The following LAMB4 variants were observed in gnomAD, a reference collection of about 807,000 sequenced individuals.
LAMB4 encodes the protein laminin subunit beta 4.
Under a neutral mutation model 199.2 loss-of-function variants are expected in LAMB4, and 196 were observed. The observed-to-expected ratio is 0.98, with a 90% confidence interval of 0.88 to 1.11. The LOEUF (loss-of-function observed/expected upper bound fraction) is 1.11. LAMB4 is among the 50% of genes least tolerant of loss of function. LAMB4 has a pLI of 0.00. For missense variants in LAMB4, 2,080 were observed against 2,171.2 expected (o/e 0.96, Z 0.83); for synonymous variants, 744 against 770.6 (o/e 0.97, Z 0.57).
intron 4 of LAMB4, among the ~76,000 whole-genome samples, 199 bp from the exon 5 acceptor site, chr7:108,109,443 T>G (rs944149536): frequency 1.3e-5 from 2 of 152,246 alleles, no homozygotes; most frequent in African/African-American, 4.8e-5. Flanking sequence ...GGTTTCACCC[T>G]GACTGTGCCC....
At chr7:108,075,245 A>G (rs1376909081) in intron 17 of LAMB4, among the ~76,000 whole-genome samples, 1 of 152,194 alleles carries the variant, frequency 6.6e-6, no homozygotes, top group Non-Finnish European at 1.5e-5. Flanking sequence ...GTTTGTTTCT[A>G]CTTTCTACTT....
intron 1 of LAMB4, 137 bp from the exon 2 acceptor site, chr7:108,123,334 T>C: frequency 2.3e-6 from 1 of 437,118 alleles, no homozygotes; most frequent in East Asian, 3.5e-5. Context: ...GTCCAGATCC[T>C]CAAAAAATAA....
Position 108,023,990 on chromosome 7 carries a change from A to G in LAMB4, c.*49T>C. 1.3e-6 allele frequency: 2 copies of G among 1,532,088 alleles called. No individual in the cohort carries two copies. Among genetic ancestry groups the G allele is most frequent in the Non-Finnish European group, 1.8e-6 (2 of 1,136,736 alleles). The allele number at this position is 1,532,088 out of a possible 1,614,324, so 94.9% of individuals were successfully genotyped here. A position where few individuals can be genotyped will look rare whatever the true frequency, so the allele number is the denominator to read the frequency against. On this transcript the variant is annotated 3_prime_UTR_variant, in exon 34 of 34. Coordinates refer to ENST00000388781, the MANE Select transcript of LAMB4 (RefSeq NM_007356.3). Reference sequence around the variant, plus strand: ...GTTCAACAGAGCCCCAGGGGCTTGTACATCAGAAACCAGAAACAAAGGCAC... The same window carrying G: ...GTTCAACAGAGCCCCAGGGGCTTGTGCATCAGAAACCAGAAACAAAGGCAC...
chr7:108,128,329 T>C (rs2038866290), intron 1 of LAMB4, among the ~76,000 whole-genome samples: 1 of 152,112 alleles, frequency 6.6e-6, no homozygotes, highest in Admixed American at 6.5e-5. Flanking sequence ...CTGAAGTCAA[T>C]AGGGTTCTGG....
At chr7:108,117,005 C>G (rs1196015886) in intron 2 of LAMB4, among the ~76,000 whole-genome samples, 3 of 152,148 alleles carry the variant, frequency 2.0e-5, no homozygotes, top group Non-Finnish European at 2.9e-5. Context: ...CCATTGCAAT[C>G]CAGCCTGAGT....
At chr7:108,113,038 C>T (rs1286793318) in intron 3 of LAMB4, among the ~76,000 whole-genome samples, 1 of 152,186 alleles carries the variant, frequency 6.6e-6, no homozygotes, top group Non-Finnish European at 1.5e-5. Flanking sequence ...AGTTGTTCTT[C>T]CTCCCAGCTA....
chr7:108,098,299 C>CT (rs2037692786), intron 11 of LAMB4, 104 bp downstream of exon 11: 1 of 675,600 alleles, frequency 1.5e-6, no homozygotes, highest in Non-Finnish European at 2.0e-6. Context: ...TGCCACTGTA[C>CT]TCCAGCCTGG....
At chr7:108,091,233 A>G (rs1379995321) in intron 14 of LAMB4, among the ~76,000 whole-genome samples, 4 of 152,248 alleles carry the variant, frequency 2.6e-5, no homozygotes, top group Non-Finnish European at 2.9e-5. Flanking sequence ...GCGCTAGTGC[A>G]ACAATGATGA....
chr7:108,117,294 C>G (rs1286854508), intron 2 of LAMB4, among the ~76,000 whole-genome samples: 1 of 152,152 alleles, frequency 6.6e-6, no homozygotes, highest in Admixed American at 6.5e-5. Flanking sequence ...AATGAGCAAG[C>G]ATTCTAATCA....
chr7:108,044,543 T>G (rs988727823), intron 28 of LAMB4, among the ~76,000 whole-genome samples: 11 of 151,984 alleles, frequency 7.2e-5, no homozygotes, highest in Non-Finnish European at 1.3e-4. Flanking sequence ...TCCAACAAAT[T>G]AGAGAGAGAG....
intron 14 of LAMB4, among the ~76,000 whole-genome samples, chr7:108,088,408 C>T (rs1013874843): frequency 6.6e-6 from 1 of 152,176 alleles, no homozygotes; most frequent in African/African-American, 2.4e-5. Context: ...AGGTGACCTG[C>T]TCGCCTCGGC....
At chr7:108,066,205 C>G (rs1469737968) in intron 20 of LAMB4, among the ~76,000 whole-genome samples, 164 bp downstream of exon 20, 2 of 152,058 alleles carry the variant, frequency 1.3e-5, no homozygotes, top group African/African-American at 4.8e-5. Flanking sequence ...TTTTCTGGCT[C>G]GTAAGATGAT....
rs1221269193 is a variant in LAMB4, at chr7:108,068,060, C to G, written c.2402G>C (p.Arg801Thr). 6.8e-6 allele frequency: 11 copies of G among 1,614,182 alleles called. No individual in the cohort carries two copies. Among genetic ancestry groups the G allele is most frequent in the Non-Finnish European group, 8.5e-6 (10 of 1,180,026 alleles). The change falls in exon 19 of 34, where the codon AGG becomes ACG. Residue 801 changes from arginine (R) to threonine (T), a missense_variant. Arg to Thr is a moderately conservative substitution (Grantham distance 71). Coordinates refer to ENST00000388781, the MANE Select transcript of LAMB4 (RefSeq NM_007356.3). ...KPLVVGRCCD[R>T]CSTGSYDLGH... is the part of the protein sequence containing the mutation. The stretch of plus-strand genomic sequence containing the variant: ...CAAATCATAGCTTCCAGTTGAGCAC[C>G]TGTCACAGCAGCGCCCGACCACAAG...
At chr7:108,042,455 A>G (rs1054739884) in intron 29 of LAMB4, among the ~76,000 whole-genome samples, 1 of 151,744 alleles carries the variant, frequency 6.6e-6, no homozygotes, top group Non-Finnish European at 1.5e-5. Flanking sequence ...CTACCAGTTC[A>G]TGCAATTAGT....
chr7:108,108,567 A>G (rs1045997518), intron 5 of LAMB4, among the ~76,000 whole-genome samples: 1 of 152,118 alleles, frequency 6.6e-6, no homozygotes, highest in African/African-American at 2.4e-5. Flanking sequence ...CTAATTCTGT[A>G]CTTATCACTT....
the LAMB4 span, among the ~76,000 whole-genome samples, chr7:108,013,988 T>G: frequency 5.3e-5 from 8 of 152,154 alleles, no homozygotes; most frequent in African/African-American, 1.9e-4. Context: ...TATATATAAT[T>G]TTTGAGGAAT....
At chr7:108,021,602 G>A (rs904255402), downstream of LAMB4, among the ~76,000 whole-genome samples, 5 of 152,026 alleles carry the variant, frequency 3.3e-5, no homozygotes, top group Non-Finnish European at 7.4e-5. Context: ...TCAGCTACTC[G>A]GGAGGCTGAG....
intron 33 of LAMB4, among the ~76,000 whole-genome samples, chr7:108,024,440 AG>A (rs2034764437): frequency 6.6e-6 from 1 of 152,278 alleles, no homozygotes; most frequent in Non-Finnish European, 1.5e-5. Context: ...AGAATTCATT[AG>A]AAATGAAAAG....
chr7:108,089,640 C>A (rs576344379), intron 14 of LAMB4, among the ~76,000 whole-genome samples: 19 of 152,324 alleles, frequency 1.2e-4, no homozygotes, highest in African/African-American at 4.6e-4. Context: ...CATTGTACAA[C>A]ATCTTAATGG....
Sources: gnomAD v4.1 joint callset for allele counts (sites outside exome capture counted in the v4.1 genomes callset) on GRCh38, gnomAD v4.1.1 for gene constraint, MANE v1.5 for transcripts, NCBI Gene and HGNC (gene_info 2026-07-23, HGNC 2026-07-21) for gene names.